Variants in TPTE observed in about 807,000 individuals in gnomAD.
The protein encoded by TPTE is transmembrane phosphatase with tensin homology.
A neutral mutation model predicts 84.1 loss-of-function variants in TPTE; 59 were observed. That is an observed-to-expected ratio of 0.70 (90% CI 0.57 to 0.87). TPTE has a LOEUF of 0.87. Among genes scored for constraint, TPTE ranks in the 40% least tolerant of loss-of-function variants. The probability of loss-of-function intolerance (pLI) is 0.00; values close to 1 mark genes in which losing one functional copy is unlikely to be tolerated. For synonymous variants in TPTE, 130 were observed against 223.5 expected, an observed-to-expected ratio of 0.58 and a Z score of 3.73; for missense variants, 382 against 659.6, an observed-to-expected ratio of 0.58 and a Z score of 4.61.
intron 14 of TPTE, among the ~76,000 whole-genome samples, chr21:10,576,830 CATATATACAT>C (rs2075161872): frequency 7.9e-6 from 1 of 126,854 alleles, no homozygotes. Context: ...AAAGGTTATA[CATATATACAT>C]ATATATATAT....
intron 7 of TPTE, among the ~76,000 whole-genome samples, chr21:10,546,560 A>AAAAAC (rs1371848991): frequency 1.3e-5 from 2 of 152,294 alleles, no homozygotes; most frequent in Non-Finnish European, 2.9e-5. Context: ...AAACAAAAAC[A>AAAAAC]AAAACAAAAC....
At chr21:10,569,868 T>A in intron 13 of TPTE, 122 bp downstream of exon 13, 2 of 1,598,038 alleles carry the variant, frequency 1.3e-6, no homozygotes, top group South Asian at 2.2e-5. Flanking sequence ...GGATATATGC[T>A]ACTGTGATAG....
intron 18 of TPTE, among the ~76,000 whole-genome samples, chr21:10,590,984 C>T: frequency 6.6e-6 from 1 of 152,310 alleles, no homozygotes; most frequent in Non-Finnish European, 1.5e-5. Flanking sequence ...CCCTGCTCTT[C>T]CTCCTGCCAG....
intron 17 of TPTE, among the ~76,000 whole-genome samples, chr21:10,578,869 T>A (rs1397671244): frequency 6.6e-6 from 1 of 152,312 alleles, no homozygotes; most frequent in African/African-American, 2.4e-5. Flanking sequence ...TTCCTAGTAT[T>A]TGGATTTCTT....
chr21:10,585,556 G>T lies in TPTE; in HGVS notation c.1028-4906G>T, dbSNP rs1440742274. ...AGGATTTTCAAATTCATGTCTTCTG[G>T]GCAATTGGTTATAATTTTCCTTTCT... is the stretch of plus-strand genomic sequence containing the variant. On this transcript the variant is annotated intron_variant, in intron 17 of 23. Transcript: ENST00000618007. 5.9e-5 allele frequency among the ~76,000 whole-genome samples: 9 copies of T among 152,374 alleles called. No homozygotes were observed. The South Asian group carries it at 6.2e-4, about 11-fold the overall frequency.
intron 2 of TPTE, among the ~76,000 whole-genome samples, 198 bp from the exon 3 acceptor site, chr21:10,527,157 T>TACA (rs1568949541): frequency 6.7e-6 from 1 of 150,288 alleles, no homozygotes; most frequent in East Asian, 1.9e-4. Flanking sequence ...TCTCTCTCTC[T>TACA]CACACACACA....
At chr21:10,551,327 C>T (rs1321562667) in intron 7 of TPTE, among the ~76,000 whole-genome samples, 2 of 152,298 alleles carry the variant, frequency 1.3e-5, no homozygotes, top group African/African-American at 2.4e-5. Context: ...AGGAGATATA[C>T]CTAATGTAAA....
chr21:10,540,515 C>T lies in TPTE; in HGVS notation c.12-597C>T, dbSNP rs573219102. 2.0e-5 allele frequency among the ~76,000 whole-genome samples: 3 copies of T among 152,374 alleles called. No homozygotes were observed. In the South Asian group the frequency reaches 6.2e-4, roughly 32 times the overall value. Reference sequence around the variant, plus strand: ...TGAACCAAGGGAGAAGCGAATCCTGCTTGCAGGGAGAAGGAGATAGGAGTG... The same window carrying T: ...TGAACCAAGGGAGAAGCGAATCCTGTTTGCAGGGAGAAGGAGATAGGAGTG... On this transcript the variant is annotated intron_variant, in intron 4 of 23. Transcript: ENST00000618007.
At chr21:10,542,726 G>A (rs1198653563) in intron 6 of TPTE, among the ~76,000 whole-genome samples, 3 of 152,304 alleles carry the variant, frequency 2.0e-5, no homozygotes, top group Non-Finnish European at 2.9e-5. Flanking sequence ...ACTCTCAGGA[G>A]CCTGCATGGC....
chr21:10,603,514 A>T, intron 22 of TPTE, 48 bp from the exon 23 acceptor site: 2 of 1,542,186 alleles, frequency 1.3e-6, no homozygotes. Flanking sequence ...CTTTGGAATG[A>T]TTAGTTCTTG....
intron 5 of TPTE, among the ~76,000 whole-genome samples, chr21:10,541,386 C>T (rs1490023176): frequency 3.3e-5 from 5 of 152,272 alleles, no homozygotes; most frequent in Non-Finnish European, 5.9e-5. Flanking sequence ...GCAGGAGAAT[C>T]GATTGAACCT....
intron 6 of TPTE, among the ~76,000 whole-genome samples, chr21:10,542,759 CAG>C (rs1372784386): frequency 1.4e-4 from 22 of 152,372 alleles, no homozygotes; most frequent in Middle Eastern, 3.4e-3. Context: ...TTTTTTTTAA[CAG>C]AGTTTCCAAT....
At chr21:10,539,534 C>T (rs1170273204) in intron 4 of TPTE, among the ~76,000 whole-genome samples, 5 of 152,310 alleles carry the variant, frequency 3.3e-5, no homozygotes, top group African/African-American at 4.8e-5. Flanking sequence ...CCACAAAAGG[C>T]TGTCTGTCGT....
intron 14 of TPTE, among the ~76,000 whole-genome samples, chr21:10,573,983 A>G (rs532877682): frequency 2.6e-5 from 4 of 152,412 alleles, no homozygotes; most frequent in African/African-American, 9.6e-5. Context: ...AGTAGAAAAT[A>G]AACTCCAACT....
intron 8 of TPTE, among the ~76,000 whole-genome samples, chr21:10,556,091 G>GT (rs1280775670): frequency 6.6e-6 from 1 of 152,418 alleles, no homozygotes; most frequent in Non-Finnish European, 1.5e-5. Flanking sequence ...TGTGCACAAT[G>GT]TGCAGGTTTG....
chr21:10,594,650 T>A (rs1399285393), intron 19 of TPTE, among the ~76,000 whole-genome samples: 1 of 152,306 alleles, frequency 6.6e-6, no homozygotes, highest in African/African-American at 2.4e-5. Context: ...TCAACAACTC[T>A]CCCCACACAT....
intron 19 of TPTE, among the ~76,000 whole-genome samples, chr21:10,592,828 G>GTGTGTA (rs1252573485): frequency 8.5e-5 from 13 of 152,398 alleles, no homozygotes; most frequent in African/African-American, 3.1e-4. Flanking sequence ...GTGTGTGTGT[G>GTGTGTA]TGTGTCTTTT....
At chr21:10,560,399 A>G (rs1029426222) in intron 9 of TPTE, among the ~76,000 whole-genome samples, 2 of 152,312 alleles carry the variant, frequency 1.3e-5, no homozygotes, top group Non-Finnish European at 2.9e-5. Flanking sequence ...AGACTAATTC[A>G]CCTTTATAGA....
chr21:10,586,852 G>A (rs2075376077), intron 17 of TPTE, among the ~76,000 whole-genome samples: 1 of 152,312 alleles, frequency 6.6e-6, no homozygotes, highest in Non-Finnish European at 1.5e-5. Flanking sequence ...CACTGGTTAG[G>A]CTCTGTAGTA....
Sources: allele counts gnomAD v4.1 joint callset (sites outside exome capture counted in the v4.1 genomes callset), GRCh38; gene constraint gnomAD v4.1.1; transcripts MANE v1.5; gene names NCBI Gene and HGNC (gene_info 2026-07-23, HGNC 2026-07-21).